Variants in SPOCK3 observed in about 807,000 individuals in gnomAD.
SPOCK3 encodes testican-3.
A neutral mutation model predicts 56.6 loss-of-function variants in SPOCK3; 30 were observed. The observed-to-expected ratio is 0.53, with a 90% CI of 0.40 to 0.72. SPOCK3 has a LOEUF of 0.72. Ranked by LOEUF, SPOCK3 falls within the 30% of genes least tolerant of loss-of-function variation. SPOCK3 has a pLI of 0.00. For missense variants in SPOCK3, 527 were observed against 530.0 expected (o/e 0.99, Z 0.06); for synonymous variants, 196 against 183.3 (o/e 1.07, Z -0.56).
chr4:166,749,380 C>T (rs1347120882), intron 8 of SPOCK3, among the ~76,000 whole-genome samples: 2 of 147,082 alleles, frequency 1.4e-5, no homozygotes, highest in Admixed American at 1.3e-4. Flanking sequence ...AGCAAACTAT[C>T]ACAAGGACAG....
At chr4:166,838,097 T>G (rs1746821090) in intron 6 of SPOCK3, among the ~76,000 whole-genome samples, 1 of 152,208 alleles carries the variant, frequency 6.6e-6, no homozygotes, top group Non-Finnish European at 1.5e-5. Flanking sequence ...TTTCCCAGAT[T>G]CTTTCTTCAT....
chr4:167,160,859 C>G (rs1004459627), intron 2 of SPOCK3, among the ~76,000 whole-genome samples: 2 of 152,152 alleles, frequency 1.3e-5, no homozygotes, highest in Admixed American at 1.3e-4. Context: ...GAAACTGCAT[C>G]CCTTCCTTAC....
At chr4:166,840,968 C>T (rs1265787012) in intron 6 of SPOCK3, among the ~76,000 whole-genome samples, 1 of 151,140 alleles carries the variant, frequency 6.6e-6, no homozygotes, top group Non-Finnish European at 1.5e-5. Flanking sequence ...TTCGTAGCGA[C>T]GGGGTTTCAC....
chr4:167,002,752 A>T (rs1749069220), intron 3 of SPOCK3, among the ~76,000 whole-genome samples: 6 of 152,194 alleles, frequency 3.9e-5, no homozygotes, highest in Admixed American at 3.9e-4. Flanking sequence ...AAAGTGTATG[A>T]CTTCTTGTTG....
chr4:167,017,262 C>A (rs1040447211), intron 3 of SPOCK3, among the ~76,000 whole-genome samples: 1 of 152,062 alleles, frequency 6.6e-6, no homozygotes, highest in Non-Finnish European at 1.5e-5. Context: ...AACACAGAGG[C>A]CATCACACAA....
intron 2 of SPOCK3, among the ~76,000 whole-genome samples, chr4:167,170,839 A>T (rs1299253992): frequency 6.6e-6 from 1 of 152,174 alleles, no homozygotes; most frequent in East Asian, 1.9e-4. Flanking sequence ...GTCAGAGTTC[A>T]AGTGTTTCAA....
chr4:167,135,483 A>T (rs1214999207), intron 2 of SPOCK3, among the ~76,000 whole-genome samples: 2 of 152,138 alleles, frequency 1.3e-5, no homozygotes, highest in African/African-American at 4.8e-5. Flanking sequence ...AGTAGTTGTA[A>T]TCTTTCTCAC....
intron 3 of SPOCK3, among the ~76,000 whole-genome samples, chr4:167,034,070 A>AT (rs775292581): frequency 3.2e-4 from 49 of 152,164 alleles, no homozygotes; most frequent in Non-Finnish European, 6.8e-4. Flanking sequence ...ATATCTTATA[A>AT]TAAAAAGTAA....
chr4:166,901,004 C>T (rs1579586779), intron 5 of SPOCK3, among the ~76,000 whole-genome samples: 1 of 152,140 alleles, frequency 6.6e-6, no homozygotes, highest in Non-Finnish European at 1.5e-5. Context: ...CAAAGTGTTG[C>T]AAGTGTCTTA....
intron 2 of SPOCK3, among the ~76,000 whole-genome samples, chr4:167,085,405 T>C (rs2150298957): frequency 6.6e-6 from 1 of 152,252 alleles, no homozygotes; most frequent in Admixed American, 6.5e-5. Context: ...TTAAATTTAT[T>C]CCAGGACCTC....
At chr4:167,059,332 G>C (rs1398073654) in intron 3 of SPOCK3, among the ~76,000 whole-genome samples, 2 of 152,098 alleles carry the variant, frequency 1.3e-5, no homozygotes, top group Non-Finnish European at 2.9e-5. Flanking sequence ...CCATCAAAAA[G>C]TGGGCAAAGG....
At chr4:166,805,046 A>G (rs910695646) in intron 6 of SPOCK3, among the ~76,000 whole-genome samples, 3 of 152,094 alleles carry the variant, frequency 2.0e-5, no homozygotes, top group Non-Finnish European at 4.4e-5. Context: ...TTCTTTTTTC[A>G]TTACAACAGA....
chr4:166,907,798 C>T (rs1428775997), intron 5 of SPOCK3, among the ~76,000 whole-genome samples: 1 of 151,916 alleles, frequency 6.6e-6, no homozygotes, highest in Admixed American at 6.6e-5. Context: ...ATATTATTTC[C>T]TTTAATGTTC....
At chr4:167,041,017 C>T (rs886246227) in intron 3 of SPOCK3, among the ~76,000 whole-genome samples, 2 of 152,126 alleles carry the variant, frequency 1.3e-5, no homozygotes, top group Non-Finnish European at 2.9e-5. Context: ...TGGATAGAGC[C>T]GGGCTCACTG....
chr4:166,917,095 G>A (rs1737941226), intron 4 of SPOCK3, among the ~76,000 whole-genome samples: 1 of 152,136 alleles, frequency 6.6e-6, no homozygotes, highest in Admixed American at 6.6e-5. Flanking sequence ...GAAATAAAAT[G>A]TGGCGTGGTT....
chr4:167,028,177 A>G (rs1426803932), intron 3 of SPOCK3, among the ~76,000 whole-genome samples: 1 of 151,876 alleles, frequency 6.6e-6, no homozygotes, highest in Non-Finnish European at 1.5e-5. Flanking sequence ...ACTTGAAGCC[A>G]GAGGTTCAAG....
chr4:166,809,992 A>G (rs1353429990), intron 6 of SPOCK3, among the ~76,000 whole-genome samples: 1 of 152,008 alleles, frequency 6.6e-6, no homozygotes, highest in Non-Finnish European at 1.5e-5. Flanking sequence ...AACAACCACA[A>G]ATTTATCGAT....
chr4:167,074,023 A>G (rs1346221980), intron 2 of SPOCK3, among the ~76,000 whole-genome samples: 1 of 151,732 alleles, frequency 6.6e-6, no homozygotes, highest in Non-Finnish European at 1.5e-5. Context: ...AAAACACTAA[A>G]ATAATACTGC....
chr4:167,060,318 A>G (rs1008135973), intron 3 of SPOCK3, among the ~76,000 whole-genome samples: 1 of 151,570 alleles, frequency 6.6e-6, no homozygotes, highest in African/African-American at 2.4e-5. Context: ...AAAAACAAAC[A>G]AAAAAGAAAA....
Sources: gnomAD v4.1 joint callset for allele counts (sites outside exome capture counted in the v4.1 genomes callset) on GRCh38, gnomAD v4.1.1 for gene constraint, MANE v1.5 for transcripts, NCBI Gene and HGNC (gene_info 2026-07-23, HGNC 2026-07-21) for gene names.